The following CSMD1 variants were observed in gnomAD, a reference collection of about 807,000 sequenced individuals.
CSMD1 encodes CUB and Sushi multiple domains 1.
In CSMD1, 213 loss-of-function variants were observed where a neutral mutation model predicts 417.5. The ratio of observed to expected loss-of-function variants is 0.51; its 90% CI spans 0.46 to 0.57. CSMD1 has a LOEUF of 0.57. CSMD1 is among the 20% of genes least tolerant of loss of function. CSMD1 has a pLI of 0.00. For synonymous variants in CSMD1, 2,862 were observed against 1,736.8 expected (o/e 1.65, Z -16.11); for missense variants, 6,923 against 4,529.7 (o/e 1.53, Z -15.17).
At chr8:3,179,860 T>C (rs1002133924) in intron 37 of CSMD1, among the ~76,000 whole-genome samples, 1 of 152,226 alleles carries the variant, frequency 6.6e-6, no homozygotes, top group Non-Finnish European at 1.5e-5. Flanking sequence ...GTCCTCTTCA[T>C]ATAAATTGAA....
chr8:4,206,257 C>A (rs1212654212), intron 3 of CSMD1, among the ~76,000 whole-genome samples: 1 of 152,098 alleles, frequency 6.6e-6, no homozygotes, highest in Non-Finnish European at 1.5e-5. Context: ...AGGTTTGTTA[C>A]ATATGTATAC....
chr8:3,518,790 T>C (rs993229073), intron 10 of CSMD1, among the ~76,000 whole-genome samples: 20 of 152,154 alleles, frequency 1.3e-4, no homozygotes, highest in African/African-American at 4.8e-4. Context: ...AATTACTAGA[T>C]GGAACTAGAC....
At chr8:3,478,353 T>G (rs77041173) in intron 11 of CSMD1, among the ~76,000 whole-genome samples, 1 of 152,236 alleles carries the variant, frequency 6.6e-6, no homozygotes, top group Non-Finnish European at 1.5e-5. Flanking sequence ...GATGCTACTT[T>G]ACAGATTTCC....
chr8:4,143,884 A>G (rs13256869), intron 3 of CSMD1, among the ~76,000 whole-genome samples: 45,063 of 150,628 alleles, frequency 0.3, 8,362 homozygotes, highest in Non-Finnish European at 0.39. Flanking sequence ...CTGGATGAAG[A>G]ATTTGGTCCC....
intron 11 of CSMD1, among the ~76,000 whole-genome samples, chr8:3,485,894 T>C (rs1281168669): frequency 6.6e-6 from 1 of 152,064 alleles, no homozygotes; most frequent in African/African-American, 2.4e-5. Context: ...GGTTGTGACA[T>C]TTTACTGTAG....
At chr8:4,203,270 T>G (rs946226496) in intron 3 of CSMD1, among the ~76,000 whole-genome samples, 3 of 152,142 alleles carry the variant, frequency 2.0e-5, no homozygotes, top group Non-Finnish European at 4.4e-5. Flanking sequence ...AAGACTGCCC[T>G]GACTCCTTCA....
At chr8:3,879,766 C>T (rs1323210116) in intron 5 of CSMD1, among the ~76,000 whole-genome samples, 1 of 152,098 alleles carries the variant, frequency 6.6e-6, no homozygotes, top group Non-Finnish European at 1.5e-5. Flanking sequence ...TTTCTATGAA[C>T]TAACATTGCT....
intron 8 of CSMD1, among the ~76,000 whole-genome samples, chr8:3,593,026 G>A (rs760342996): frequency 4.6e-5 from 7 of 152,206 alleles, no homozygotes; most frequent in Non-Finnish European, 1.0e-4. Context: ...CTTGGATATA[G>A]GCAGGAGAGG....
At chr8:4,897,658 T>C (rs1245092050) in intron 1 of CSMD1, among the ~76,000 whole-genome samples, 4 of 152,186 alleles carry the variant, frequency 2.6e-5, no homozygotes, top group African/African-American at 9.7e-5. Context: ...ATATTATTTA[T>C]ACAGTATCTT....
chr8:4,480,968 T>G (rs1484430474), intron 2 of CSMD1, among the ~76,000 whole-genome samples: 1 of 152,172 alleles, frequency 6.6e-6, no homozygotes, highest in Non-Finnish European at 1.5e-5. Flanking sequence ...CTTCCCCAGG[T>G]GATTCTTTGG....
intron 1 of CSMD1, among the ~76,000 whole-genome samples, chr8:4,918,372 G>A (rs1213530978): frequency 6.6e-6 from 1 of 152,152 alleles, no homozygotes; most frequent in African/African-American, 2.4e-5. Flanking sequence ...TGAAAGGTGG[G>A]TGTTCCTCCC....
rs546354620 is a variant in CSMD1 at position 3,894,679 on chromosome 8, G to C, written c.818+103224C>G. 4.5e-4 allele frequency among the ~76,000 whole-genome samples: 68 copies of C among 152,208 alleles called. 1 individual carries two copies. The highest frequency in any genetic ancestry group is 1.6e-3 in the African/African-American group (66 of 41,560). ...CCTAACAAGAGAGTCTAATTGAAAA[G>C]TTCATTGATCCTTTTTCCTGCCTCC... On this transcript the variant is annotated intron_variant, in intron 5 of 69. Transcript: ENST00000635120.
chr8:3,287,839 G>C (rs7006102), intron 25 of CSMD1, among the ~76,000 whole-genome samples: 1 of 148,714 alleles, frequency 6.7e-6, no homozygotes, highest in Admixed American at 6.7e-5. Flanking sequence ...CCAACACTAT[G>C]TTGAATAGGA....
At chr8:3,296,656 C>T (rs1362713437) in intron 25 of CSMD1, among the ~76,000 whole-genome samples, 1 of 152,152 alleles carries the variant, frequency 6.6e-6, no homozygotes, top group East Asian at 1.9e-4. Flanking sequence ...TGGAGGTACC[C>T]AGGCACTGGT....
chr8:4,480,066 G>C (rs956220429), intron 2 of CSMD1, among the ~76,000 whole-genome samples: 1 of 151,792 alleles, frequency 6.6e-6, no homozygotes, highest in Admixed American at 6.6e-5. Context: ...CGTGAGTTCT[G>C]TTAGAGAAGT....
chr8:3,123,603 C>T (rs893067431), intron 41 of CSMD1, among the ~76,000 whole-genome samples: 2 of 130,820 alleles, frequency 1.5e-5, no homozygotes, highest in Non-Finnish European at 3.0e-5. Flanking sequence ...GCTAATAAAA[C>T]GTTAAGAAAA....
At chr8:4,046,512 C>A (rs3906471) in intron 3 of CSMD1, among the ~76,000 whole-genome samples, 52,422 of 152,012 alleles carry the variant, frequency 0.34, 10,288 homozygotes, top group East Asian at 0.67. Flanking sequence ...TTTGTGGTTG[C>A]TGTTGCCTTA....
At chr8:3,723,022 G>A (rs1802277076) in intron 6 of CSMD1, among the ~76,000 whole-genome samples, 2 of 152,148 alleles carry the variant, frequency 1.3e-5, no homozygotes, top group Admixed American at 1.3e-4. Context: ...TGGGCCCTCT[G>A]AGCTGGGTCT....
chr8:3,334,566 C>T (rs967600625), intron 23 of CSMD1, among the ~76,000 whole-genome samples: 3 of 152,218 alleles, frequency 2.0e-5, no homozygotes, highest in Non-Finnish European at 4.4e-5. Flanking sequence ...CATAAACCCA[C>T]AGCTCCATGC....
Sources: allele counts gnomAD v4.1 joint callset (sites outside exome capture counted in the v4.1 genomes callset), GRCh38; gene constraint gnomAD v4.1.1; transcripts MANE v1.5; gene names NCBI Gene and HGNC (gene_info 2026-07-23, HGNC 2026-07-21).